The following HMGCLL1 variants were observed in gnomAD, a reference collection of about 807,000 sequenced individuals.
HMGCLL1 encodes 3-hydroxymethyl-3-methylglutaryl-CoA lyase, cytoplasmic.
HMGCLL1 carries 36 observed loss-of-function variants against 39.1 expected under a neutral mutation model. The observed-to-expected ratio is 0.92, with a 90% CI of 0.71 to 1.22. HMGCLL1 has a LOEUF of 1.22. HMGCLL1 is among the 50% of genes most tolerant of loss of function. HMGCLL1 has a pLI of 0.00. For synonymous variants in HMGCLL1, 149 were observed against 144.0 expected, an observed-to-expected ratio of 1.03 and a Z score of -0.25; for missense variants, 451 against 416.5, an observed-to-expected ratio of 1.08 and a Z score of -0.72.
At chr6:55,671,684 C>T in the HMGCLL1 span, among the ~76,000 whole-genome samples, 1 of 151,674 alleles carries the variant, frequency 6.6e-6, no homozygotes, top group African/African-American at 2.4e-5. Context: ...GAGTTAGGTA[C>T]CTGGGAAACC....
chr6:55,569,332 C>T (rs531212359), intron 1 of HMGCLL1, among the ~76,000 whole-genome samples: 1 of 152,170 alleles, frequency 6.6e-6, no homozygotes, highest in Non-Finnish European at 1.5e-5. Context: ...GTAGCAGCAC[C>T]ATCCAACACA....
chr6:55,477,803 A>G (rs1314427927), intron 7 of HMGCLL1, among the ~76,000 whole-genome samples: 2 of 150,550 alleles, frequency 1.3e-5, no homozygotes, highest in South Asian at 4.1e-4. Flanking sequence ...TACATTAGTA[A>G]ATTTGGTTTA....
At chr6:55,462,394 C>T (rs1219633021) in intron 7 of HMGCLL1, among the ~76,000 whole-genome samples, 2 of 152,108 alleles carry the variant, frequency 1.3e-5, no homozygotes, top group African/African-American at 4.8e-5. Context: ...CTCAATTATA[C>T]CACATCTTAG....
chr6:55,511,648 G>A (rs371547998), intron 5 of HMGCLL1, among the ~76,000 whole-genome samples: 7 of 152,200 alleles, frequency 4.6e-5, no homozygotes, highest in African/African-American at 1.7e-4. Flanking sequence ...ATCTACTGCA[G>A]TTTCAACTAG....
intron 1 of HMGCLL1, among the ~76,000 whole-genome samples, chr6:55,553,091 C>T (rs1206131404): frequency 3.3e-5 from 5 of 149,546 alleles, no homozygotes; most frequent in African/African-American, 7.6e-5. Context: ...TGCAGTGAGC[C>T]GAGATCGTGC....
intron 1 of HMGCLL1, among the ~76,000 whole-genome samples, chr6:55,547,251 A>G (rs1770029880): frequency 6.6e-6 from 1 of 152,094 alleles, no homozygotes; most frequent in African/African-American, 2.4e-5. Context: ...TCAATCTTAC[A>G]TAAAATTAAA....
chr6:55,581,696 G>A (rs961102720), upstream of HMGCLL1, among the ~76,000 whole-genome samples: 7 of 151,976 alleles, frequency 4.6e-5, no homozygotes, highest in African/African-American at 1.7e-4. Context: ...TTAGAAGCTT[G>A]GGCTCCATTA....
the HMGCLL1 span, among the ~76,000 whole-genome samples, chr6:55,650,112 TATATATATATATATATATATATACACAC>T: frequency 2.6e-5 from 2 of 76,864 alleles, no homozygotes; most frequent in Non-Finnish European, 4.7e-5. Context: ...TATATATATA[TATATATATATATATATATATATACACAC>T]ACACACACAT....
chr6:55,645,839 T>G, the HMGCLL1 span, among the ~76,000 whole-genome samples: 1 of 151,788 alleles, frequency 6.6e-6, no homozygotes, highest in Non-Finnish European at 1.5e-5. Flanking sequence ...TTTAGAGAGA[T>G]ATTGGTTTGT....
At chr6:55,503,629 A>G (rs549789962) in intron 5 of HMGCLL1, among the ~76,000 whole-genome samples, 1 of 151,792 alleles carries the variant, frequency 6.6e-6, no homozygotes, top group East Asian at 1.9e-4. Flanking sequence ...GATCAACCCC[A>G]AAGTGCCTCA....
chr6:55,662,454 T>C, the HMGCLL1 span, among the ~76,000 whole-genome samples: 1 of 151,720 alleles, frequency 6.6e-6, no homozygotes, highest in Admixed American at 6.6e-5. Flanking sequence ...GTGTTTCTTG[T>C]TTTTAGTTTT....
chr6:55,579,527 A>C (rs1189004462), upstream of HMGCLL1, among the ~76,000 whole-genome samples: 4 of 152,144 alleles, frequency 2.6e-5, no homozygotes, highest in African/African-American at 9.7e-5. Flanking sequence ...TCAAGTGTAG[A>C]TTTGCCTACC....
chr6:55,563,962 T>C, intron 1 of HMGCLL1: 1 of 972,752 alleles, frequency 1.0e-6, no homozygotes, highest in Non-Finnish European at 1.4e-6. Context: ...CATTGAAAAC[T>C]TCTGGCTACC....
intron 7 of HMGCLL1, among the ~76,000 whole-genome samples, chr6:55,492,030 A>G (rs1284247735): frequency 6.6e-6 from 1 of 152,052 alleles, no homozygotes; most frequent in African/African-American, 2.4e-5. Context: ...TCCATTTATA[A>G]CTTTCATTTG....
chr6:55,531,012 A>G (rs887094171), intron 3 of HMGCLL1, among the ~76,000 whole-genome samples: 2 of 152,200 alleles, frequency 1.3e-5, no homozygotes, highest in African/African-American at 4.8e-5. Flanking sequence ...GAAAATAAGT[A>G]CTGCTAGAAA....
the HMGCLL1 span, among the ~76,000 whole-genome samples, chr6:55,673,175 G>A: frequency 2.0e-5 from 3 of 152,022 alleles, no homozygotes; most frequent in South Asian, 2.1e-4. Flanking sequence ...AACTCTGTAG[G>A]TGAGGTGTGT....
chr6:55,658,036 G>C, the HMGCLL1 span, among the ~76,000 whole-genome samples: 9 of 151,664 alleles, frequency 5.9e-5, no homozygotes, highest in Non-Finnish European at 1.3e-4. Context: ...TAACAAGCCT[G>C]CACTTATACC....
chr6:55,577,143 A>T (rs541027259), intron 1 of HMGCLL1: 4 of 1,604,210 alleles, frequency 2.5e-6, no homozygotes, highest in Non-Finnish European at 3.4e-6. Flanking sequence ...GGCTGAAAGC[A>T]GTGAAGGTTT....
intron 1 of HMGCLL1, among the ~76,000 whole-genome samples, chr6:55,575,603 T>C (rs1771723959): frequency 6.6e-6 from 1 of 152,130 alleles, no homozygotes. Context: ...CTAACTACAA[T>C]CAAATTATTT....
Sources: gnomAD v4.1 joint callset for allele counts (sites outside exome capture counted in the v4.1 genomes callset) on GRCh38, gnomAD v4.1.1 for gene constraint, MANE v1.5 for transcripts, NCBI Gene and HGNC (gene_info 2026-07-23, HGNC 2026-07-21) for gene names.